Variants in SLC49A4 observed in about 807,000 individuals in gnomAD.
The protein encoded by SLC49A4 is disrupted in renal cancer protein 2.
SLC49A4 carries 36 observed loss-of-function variants against 50.6 expected under a neutral mutation model. The ratio of observed to expected loss-of-function variants is 0.71; its 90% confidence interval spans 0.55 to 0.94. SLC49A4 has a LOEUF of 0.94. SLC49A4 is among the 40% of genes least tolerant of loss of function. SLC49A4 has a pLI of 0.00. For synonymous variants in SLC49A4, 248 were observed against 241.2 expected, an observed-to-expected ratio of 1.03 and a Z score of -0.26; for missense variants, 503 against 605.7, an observed-to-expected ratio of 0.83 and a Z score of 1.78.
Position 122,872,460 on chromosome 3 carries a change from G to A in SLC49A4, c.1184G>A (p.Ser395Asn). The change falls in exon 8 of 9, where the codon AGC becomes AAC. Residue 395 changes from serine (S) to asparagine (N), a missense_variant. Transcript: ENST00000261038. ...SCILLGVFLN[S>N]SVPIFFELFV... ...ATTCTCCTGGGAGTGTTCTTGAATA[G>A]CAGCGTGCCTATATTTTTTGAGCTT... The A allele has an allele frequency of 6.2e-7, 1 of 1,613,988 alleles. No homozygotes were observed. The highest frequency in any genetic ancestry group is 8.5e-7 in the Non-Finnish European group (1 of 1,179,936).
chr3:122,806,179 T>G (rs2107556707), intron 1 of SLC49A4, among the ~76,000 whole-genome samples: 1 of 152,290 alleles, frequency 6.6e-6, no homozygotes, highest in African/African-American at 2.4e-5. Flanking sequence ...GCAGCTTACA[T>G]TTGAAAATTC....
At chr3:122,835,302 C>T (rs1232215251) in intron 4 of SLC49A4, among the ~76,000 whole-genome samples, 1 of 152,044 alleles carries the variant, frequency 6.6e-6, no homozygotes, top group Non-Finnish European at 1.5e-5. Context: ...GATACCAAAA[C>T]CGGAAAAAGA....
chr3:122,872,659 G>A (rs1417316709), intron 8 of SLC49A4, 62 bp downstream of exon 8: 5 of 1,210,580 alleles, frequency 4.1e-6, no homozygotes, highest in Non-Finnish European at 5.7e-6. Flanking sequence ...TGGGTCACTA[G>A]TGTATAGAAG....
At chr3:122,840,003 T>G (rs531604143) in intron 4 of SLC49A4, among the ~76,000 whole-genome samples, 49 of 152,296 alleles carry the variant, frequency 3.2e-4, no homozygotes, top group African/African-American at 1.1e-3. Context: ...AAGTGCCCAT[T>G]GACCAATGAG....
intron 5 of SLC49A4, among the ~76,000 whole-genome samples, chr3:122,847,583 G>A (rs1184101749): frequency 1.3e-5 from 2 of 151,822 alleles, no homozygotes; most frequent in East Asian, 3.9e-4. Flanking sequence ...CTGACCTCGT[G>A]ATCCGCCCAC....
intron 4 of SLC49A4, 130 bp downstream of exon 4, chr3:122,833,576 A>G: frequency 1.3e-6 from 1 of 765,968 alleles, no homozygotes; most frequent in East Asian, 3.1e-5. Flanking sequence ...TTGATAAAAT[A>G]CTAATTGAAT....
chr3:122,832,091 G>T (rs1936615972), intron 3 of SLC49A4, among the ~76,000 whole-genome samples: 1 of 152,062 alleles, frequency 6.6e-6, no homozygotes, highest in Non-Finnish European at 1.5e-5. Context: ...TAGGAATGTT[G>T]TCCTTTTTTG....
intron 6 of SLC49A4, among the ~76,000 whole-genome samples, chr3:122,857,435 C>T (rs192500047): frequency 1.3e-5 from 2 of 152,068 alleles, no homozygotes; most frequent in African/African-American, 4.8e-5. Context: ...AGGCAATCAA[C>T]TTTACCATGA....
Position 122,856,350 on chromosome 3 carries a change from GTGT to G in SLC49A4, c.992_994del (p.Val331del). 1 of 1,613,982 alleles carries G rather than the reference GTGT, an allele frequency of 6.2e-7. No homozygotes were observed. The highest frequency in any genetic ancestry group is 1.1e-5 in the South Asian group (1 of 91,082). The stretch of plus-strand genomic sequence containing the variant: ...GGATTTTGGTCCATAGTTGGAGGCT[GTGT>G]TGTTGGAATAGCTATGGCAAGGTGA... On this transcript the variant is annotated inframe_deletion, in exon 6 of 9. Transcript: ENST00000261038.
At chr3:122,824,621 C>CT (rs1222643516) in intron 2 of SLC49A4, among the ~76,000 whole-genome samples, 2 of 149,146 alleles carry the variant, frequency 1.3e-5, no homozygotes, top group African/African-American at 5.0e-5. Flanking sequence ...TTTTCTTTCT[C>CT]TTTCTTTCTT....
intron 8 of SLC49A4, among the ~76,000 whole-genome samples, chr3:122,875,593 C>T (rs541514231): frequency 2.0e-5 from 3 of 152,242 alleles, no homozygotes; most frequent in Non-Finnish European, 1.5e-5. Context: ...CTCAAGCAAT[C>T]CACCTGCCTT....
chr3:122,830,386 A>G (rs1220722859), intron 3 of SLC49A4, among the ~76,000 whole-genome samples: 4 of 152,246 alleles, frequency 2.6e-5, no homozygotes, highest in Non-Finnish European at 5.9e-5. Flanking sequence ...ACAAAATTGG[A>G]GAACTCAGAC....
At chr3:122,820,753 G>A (rs139984389) in intron 2 of SLC49A4, among the ~76,000 whole-genome samples, 52 of 152,332 alleles carry the variant, frequency 3.4e-4, no homozygotes, top group African/African-American at 5.1e-4. Flanking sequence ...ACTCTGCAGC[G>A]CACCTGGGGC....
At chr3:122,853,090 A>C (rs1298565438) in intron 5 of SLC49A4, among the ~76,000 whole-genome samples, 1 of 152,186 alleles carries the variant, frequency 6.6e-6, no homozygotes, top group Non-Finnish European at 1.5e-5. Flanking sequence ...TATTTCTCAC[A>C]GTTCTGGAGG....
chr3:122,832,887 C>T (rs938114376), intron 3 of SLC49A4, among the ~76,000 whole-genome samples: 2 of 152,020 alleles, frequency 1.3e-5, no homozygotes, highest in Admixed American at 1.3e-4. Flanking sequence ...TATCTCTATA[C>T]GTCTCAGACT....
intron 7 of SLC49A4, among the ~76,000 whole-genome samples, chr3:122,867,042 C>T (rs1450546619): frequency 6.6e-6 from 1 of 152,208 alleles, no homozygotes; most frequent in Non-Finnish European, 1.5e-5. Flanking sequence ...ACTGCTCTAA[C>T]ATAGCAGCCT....
At chr3:122,804,945 A>ATG (rs1936193171) in intron 1 of SLC49A4, among the ~76,000 whole-genome samples, 1 of 152,216 alleles carries the variant, frequency 6.6e-6, no homozygotes, top group Non-Finnish European at 1.5e-5. Flanking sequence ...ATATGGCCAT[A>ATG]AACAGTGCCT....
chr3:122,879,981 T>G lies in SLC49A4; in HGVS notation c.*603T>G, dbSNP rs1182159853. 8 of 152,676 alleles carry G rather than the reference T, an allele frequency of 5.2e-5. No individual in the cohort carries two copies. Among genetic ancestry groups the G allele is most frequent in the Admixed American group, 3.9e-4 (6 of 15,286 alleles). 9.5% of individuals were successfully genotyped at this position (152,676 alleles called of 1,614,324 possible). On this transcript the variant is annotated 3_prime_UTR_variant, in exon 9 of 9. Coordinates refer to ENST00000261038, the MANE Select transcript of SLC49A4 (RefSeq NM_032839.3). ...ACTATGGTGATCAGGTGCTTTCCAG[T>G]GACTTCTGAGCATAGGCACTGTGTC...
At chr3:122,878,314 CG>C (rs1208797835) in intron 8 of SLC49A4, among the ~76,000 whole-genome samples, 2 of 152,168 alleles carry the variant, frequency 1.3e-5, no homozygotes, top group African/African-American at 4.8e-5. Context: ...AAACTAGAAA[CG>C]TTGTCCCCAC....
Sources: allele counts gnomAD v4.1 joint callset (sites outside exome capture counted in the v4.1 genomes callset), GRCh38; gene constraint gnomAD v4.1.1; transcripts MANE v1.5; gene names NCBI Gene and HGNC (gene_info 2026-07-23, HGNC 2026-07-21).